SEPTIN12: variants seen among roughly 807,000 people sequenced by gnomAD.
The protein encoded by SEPTIN12 is septin 12.
SEPTIN12 carries 42 observed loss-of-function variants against 37.7 expected under a neutral mutation model. The ratio of observed to expected loss-of-function variants is 1.11; its 90% CI spans 0.87 to 1.44. The LOEUF (loss-of-function observed/expected upper bound fraction) is 1.44, where lower values mean the gene tolerates loss of function less well. Ranked by LOEUF, SEPTIN12 falls within the 40% of genes most tolerant of loss-of-function variation. The pLI, the probability that SEPTIN12 is intolerant of heterozygous loss-of-function variation, is 0.00. For missense variants in SEPTIN12, 613 were observed against 479.2 expected (o/e 1.28, Z -2.61); for synonymous variants, 254 against 196.7 (o/e 1.29, Z -2.44).
rs754985476 is a variant in SEPTIN12 at position 4,779,735 on chromosome 16, C to T, written c.778G>A (p.Gly260Arg). ...GTCTTCCGGCCCAGGACACACCTCC[C>T]GTTCACCAGGTGCTCTTGGTCAGCC... Reference protein sequence around the residue: ...VGADQEHLVNGRCVLGRKTKW... With the variant: ...VGADQEHLVNRRCVLGRKTKW... The change falls in exon 8 of 10, where the codon GGG (glycine) becomes AGG (arginine). Residue 260 changes from glycine (G) to arginine (R), a missense_variant. Coordinates refer to ENST00000268231, the MANE Select transcript of SEPTIN12 (RefSeq NM_144605.5). 5.6e-6 allele frequency: 9 copies of T among 1,613,748 alleles called. No individual in the cohort carries two copies. The highest frequency in any genetic ancestry group is 4.5e-5 in the East Asian group (2 of 44,884).
chr16:4,785,130 A>G (rs550685183), intron 4 of SEPTIN12, among the ~76,000 whole-genome samples: 39 of 151,980 alleles, frequency 2.6e-4, no homozygotes, highest in African/African-American at 8.9e-4. Context: ...GATGTCTGTA[A>G]TCCCAGCTAC....
At chr16:4,781,942 C>A (rs913866552) in intron 7 of SEPTIN12, among the ~76,000 whole-genome samples, 5 of 74,754 alleles carry the variant, frequency 6.7e-5, no homozygotes, top group Admixed American at 1.6e-4. Flanking sequence ...CCGTGCCCGG[C>A]CTTTTTTTTT....
chr16:4,787,410 G>T, intron 2 of SEPTIN12, 70 bp downstream of exon 2: 1 of 1,424,238 alleles, frequency 7.0e-7, no homozygotes, highest in Non-Finnish European at 9.8e-7. Context: ...GCTGCCAAAG[G>T]TGAGGCCACA....
rs1164594027 is a variant in SEPTIN12 at position 4,787,507 on chromosome 16, C to T, written c.139G>A (p.Gly47Arg). The change falls in exon 2 of 10, where the codon GGG (glycine) becomes AGG (arginine). Residue 47 changes from glycine to arginine, a missense_variant. Physicochemically the swap from Gly to Arg is moderately radical, Grantham distance 125. Transcript: ENST00000268231. ...ACCACCATGATGTTGAACTCAAACC[C>T]CATCTTCATAGCCTTGATCTTCAGC... ...DQLKIKAMKM[G>R]FEFNIMVVGQ... 3.1e-6 allele frequency: 5 copies of T among 1,613,050 alleles called. No individual in the cohort carries two copies. The African/African-American group carries it at 4.0e-5, about 13-fold the overall frequency.
chr16:4,791,515 A>C (rs1022676274), upstream of SEPTIN12, among the ~76,000 whole-genome samples: 4 of 152,044 alleles, frequency 2.6e-5, no homozygotes, highest in Non-Finnish European at 5.9e-5. Flanking sequence ...TTTACAGATG[A>C]GTATACTGAG....
rs189450965 is a variant in SEPTIN12 at position 4,787,770 on chromosome 16, C to G, written c.-22-103G>C. On this transcript the variant is annotated intron_variant, in intron 1 of 9. Transcript: ENST00000268231. ...TATTTGAGCTTGGCCGTTGGCCAAC[C>G]CCCTCCACACTTCATGCCTCTGGTG... The G allele has an allele frequency of 2.8e-4, 169 of 611,662 alleles. No individual in the cohort carries two copies. The African/African-American group carries it at 2.9e-3, about 10-fold the overall frequency. The allele number at this position is 611,662 out of a possible 1,614,324, so 37.9% of individuals were successfully genotyped here.
intron 7 of SEPTIN12, among the ~76,000 whole-genome samples, chr16:4,782,731 G>T (rs924102144): frequency 1.3e-5 from 2 of 151,940 alleles, no homozygotes; most frequent in Non-Finnish European, 2.9e-5. Flanking sequence ...AGCCTCCTGA[G>T]TAGCTGGGCT....
upstream of SEPTIN12, among the ~76,000 whole-genome samples, chr16:4,791,400 C>T (rs928206019): frequency 2.0e-4 from 31 of 152,296 alleles, no homozygotes; most frequent in Admixed American, 1.8e-3. Context: ...ATTCAGTGCA[C>T]GTTTCTGTGA....
In SEPTIN12 at chr16:4,783,660, AG is replaced by A. The variant is rs1017049582; in HGVS notation, c.618del (p.Phe207SerfsTer9). On this transcript the variant is annotated frameshift_variant, in exon 6 of 10. Transcript: ENST00000268231. LOFTEE classifies it high-confidence loss of function. ...GGCATCCAGATCACCCTGCGCCTGAAGGCCTCTCGCTCCTCCATGGTCAGGC... is the reference window on the plus strand; with the variant it reads ...GGCATCCAGATCACCCTGCGCCTGAAGCCTCTCGCTCCTCCATGGTCAGGC... The part of the protein sequence containing the change: ...ADSLTMEERE[A>X]FRRRIQQNLR... 10 of 1,613,830 alleles carry A rather than the reference AG, an allele frequency of 6.2e-6. No individual in the cohort carries two copies. The highest frequency in any genetic ancestry group is 2.7e-5 in the African/African-American group (2 of 74,912).
At chr16:4,783,284 G>C in intron 7 of SEPTIN12, 178 bp downstream of exon 7, 1 of 622,874 alleles carries the variant, frequency 1.6e-6, no homozygotes, top group Non-Finnish European at 2.9e-6. Flanking sequence ...CGATTCTGTG[G>C]GTTGTTAGTG....
At chr16:4,784,246 G>A (rs568993458) in intron 4 of SEPTIN12, 178 bp from the exon 5 acceptor site, 10 of 632,008 alleles carry the variant, frequency 1.6e-5, no homozygotes, top group South Asian at 3.7e-5. Flanking sequence ...GAGACACACA[G>A]GGAGACCTCC....
At chr16:4,790,670 C>T (rs1238986270), upstream of SEPTIN12, among the ~76,000 whole-genome samples, 3 of 152,092 alleles carry the variant, frequency 2.0e-5, no homozygotes, top group South Asian at 2.1e-4. Context: ...CACCTGTAGT[C>T]GCAGCTACTT....
intron 2 of SEPTIN12, among the ~76,000 whole-genome samples, chr16:4,786,634 C>T (rs994606607): frequency 2.6e-5 from 4 of 152,010 alleles, no homozygotes; most frequent in Admixed American, 2.0e-4. Context: ...GGATTACAGG[C>T]GTGAGCCACC....
chr16:4,779,242 C>T lies in SEPTIN12; in HGVS notation c.823+448G>A, dbSNP rs1337541462. ...TCCCTAAGGCAGTCTCCTCTCCCTC[C>T]CGCCACAATCGCCTTCACTGTGCCT... On this transcript the variant is annotated intron_variant, in intron 8 of 9. Coordinates refer to ENST00000268231, the MANE Select transcript of SEPTIN12 (RefSeq NM_144605.5). Among the ~76,000 whole-genome samples the T allele has an allele frequency of 1.1e-4, 16 of 152,228 alleles. 2 individuals carry two copies. The highest frequency in any genetic ancestry group is 1.0e-3 in the Admixed American group (16 of 15,270).
At chr16:4,782,416 G>A (rs1312164206) in intron 7 of SEPTIN12, among the ~76,000 whole-genome samples, 4 of 152,148 alleles carry the variant, frequency 2.6e-5, no homozygotes, top group East Asian at 1.9e-4. Context: ...GAACATTCAC[G>A]TACACATTTT....
At chr16:4,781,529 T>C (rs2082371243) in intron 7 of SEPTIN12, among the ~76,000 whole-genome samples, 1 of 152,292 alleles carries the variant, frequency 6.6e-6, no homozygotes, top group South Asian at 2.1e-4. Context: ...GGACATTTCA[T>C]ATAAATGGAA....
At chr16:4,784,202 C>G in intron 4 of SEPTIN12, 134 bp from the exon 5 acceptor site, 1 of 932,714 alleles carries the variant, frequency 1.1e-6, no homozygotes, top group Non-Finnish European at 1.6e-6. Context: ...CTGTGGGTCA[C>G]CCCGGTACTT....
At chr16:4,784,269 C>T in intron 4 of SEPTIN12, 1 of 589,780 alleles carries the variant, frequency 1.7e-6, no homozygotes, top group Admixed American at 3.0e-5. Context: ...CCATTCTCGG[C>T]TTCACTGTCT....
chr16:4,783,800 T>C lies in SEPTIN12; in HGVS notation c.513-34A>G. ...GGCAGGGCAGTGATGGGGGTGGCGGTGGTGGTGAGTGTATAAACGACAGCA... is the reference window on the plus strand; with the variant it reads ...GGCAGGGCAGTGATGGGGGTGGCGGCGGTGGTGAGTGTATAAACGACAGCA... On this transcript the variant is annotated intron_variant, in intron 5 of 9. Transcript: ENST00000268231. The C allele has an allele frequency of 2.5e-6, 4 of 1,599,762 alleles. No homozygotes were observed. The South Asian group carries it at 4.4e-5, about 18-fold the overall frequency.
Sources: gnomAD v4.1 joint callset for allele counts (sites outside exome capture counted in the v4.1 genomes callset) on GRCh38, gnomAD v4.1.1 for gene constraint, MANE v1.5 for transcripts, NCBI Gene and HGNC (gene_info 2026-07-23, HGNC 2026-07-21) for gene names.